The following SOS2 variants were observed in gnomAD, a reference collection of about 807,000 sequenced individuals.
The protein encoded by SOS2 is SOS Ras/Rho guanine nucleotide exchange factor 2.
In SOS2, 65 loss-of-function variants were observed where a neutral mutation model predicts 148.2. The observed-to-expected ratio is 0.44, with a 90% CI of 0.36 to 0.54. The LOEUF (loss-of-function observed/expected upper bound fraction) is 0.54, where lower values mean the gene tolerates loss of function less well. Among genes scored for constraint, SOS2 ranks in the 20% least tolerant of loss-of-function variants. The pLI is 0.00. For synonymous variants in SOS2, 539 were observed against 537.1 expected (o/e 1.00, Z -0.05); for missense variants, 1,341 against 1,590.2 (o/e 0.84, Z 2.67).
At chr14:50,231,158 C>T (rs1344582811) in intron 1 of SOS2, 39 bp downstream of exon 1, 1 of 1,261,152 alleles carries the variant, frequency 7.9e-7, no homozygotes, top group East Asian at 3.0e-5. Flanking sequence ...CTCGGGGGGC[C>T]ACGGGCCACC....
Position 50,134,796 on chromosome 14 carries a change from G to A in SOS2, c.2959-557C>T, listed in dbSNP as rs539842394. 3.9e-5 allele frequency among the ~76,000 whole-genome samples: 6 copies of A among 152,082 alleles called. No homozygotes were observed. The East Asian group carries it at 7.7e-4, about 20-fold the overall frequency. ...GTAATGTCAAGAATGATTATAGGCC[G>A]AGCACGGTGGCTCACGCCTGTAATC... On this transcript the variant is annotated intron_variant, in intron 18 of 22. Coordinates refer to ENST00000216373, the MANE Select transcript of SOS2 (RefSeq NM_006939.4).
At chr14:50,161,665 T>G in intron 8 of SOS2, 56 bp from the exon 9 acceptor site, 4 of 1,527,650 alleles carry the variant, frequency 2.6e-6, no homozygotes, top group Non-Finnish European at 3.6e-6. Flanking sequence ...TTCCCCCAAC[T>G]TTCTAGTAAT....
At chr14:50,196,609 A>G (rs1886319176) in intron 4 of SOS2, among the ~76,000 whole-genome samples, 2 of 152,134 alleles carry the variant, frequency 1.3e-5, no homozygotes, top group African/African-American at 4.8e-5. Flanking sequence ...TCTACTAGCT[A>G]AGAGTAAATT....
rs1886005265 is a variant in SOS2 at position 50,188,637 on chromosome 14, T to C, written c.574A>G (p.Ser192Gly). The change falls in exon 5 of 23, where the codon AGT becomes GGT. Residue 192 changes from serine (S) to glycine (G), a missense_variant. Ser to Gly is a moderately conservative substitution (Grantham distance 56, BLOSUM62 0). This residue lies in a region of SOS2 where 574 missense variants were observed against 711.1 expected (regional missense o/e 0.81). Coordinates refer to ENST00000216373, the MANE Select transcript of SOS2 (RefSeq NM_006939.4). ...TAGTAGTTTAATTCACCAGAAGAAC[T>C]AGGTTCATCTTCACAGAGAGAAACC... Reference protein sequence around the residue: ...GLVSLCEDEPSSSGELNYYDL... With the variant: ...GLVSLCEDEPGSSGELNYYDL... The C allele has an allele frequency of 3.1e-6, 5 of 1,608,910 alleles. No homozygotes were observed. Among genetic ancestry groups the C allele is most frequent in the Non-Finnish European group, 4.2e-6 (5 of 1,176,606 alleles).
chr14:50,167,824 C>CTT (rs1566834963), intron 8 of SOS2, among the ~76,000 whole-genome samples: 1 of 130,440 alleles, frequency 7.7e-6, no homozygotes, highest in Non-Finnish European at 1.6e-5. Context: ...GAGCCGAGAT[C>CTT]ACCACTGCAC....
chr14:50,161,323 A>G (rs1232799249), intron 9 of SOS2, among the ~76,000 whole-genome samples, 159 bp downstream of exon 9: 1 of 152,104 alleles, frequency 6.6e-6, no homozygotes, highest in Non-Finnish European at 1.5e-5. Context: ...AGGAAAAGGA[A>G]AAAAGAGAGT....
At chr14:50,154,362 A>G (rs1250417572) in intron 12 of SOS2, among the ~76,000 whole-genome samples, 1 of 152,164 alleles carries the variant, frequency 6.6e-6, no homozygotes, top group Non-Finnish European at 1.5e-5. Flanking sequence ...ATTACTAAAC[A>G]CTGGTGAGAA....
At chr14:50,226,504 C>A (rs1446342925) in intron 1 of SOS2, among the ~76,000 whole-genome samples, 1 of 152,142 alleles carries the variant, frequency 6.6e-6, no homozygotes, top group Non-Finnish European at 1.5e-5. Context: ...TAAATCAAAG[C>A]CCCTACCGAT....
At position 50,177,350 on chromosome 14, in the gene SOS2, C is replaced by A. The variant is rs185458130; in HGVS notation, c.970-2798G>T. ...AAATAAATAAATAAAGTACGCTACA[C>A]AGCTTCTAAAGATGCTTTTTGTTTT... On this transcript the variant is annotated intron_variant, in intron 7 of 22. Transcript: ENST00000216373. Among the ~76,000 whole-genome samples the A allele has an allele frequency of 2.0e-3, 311 of 152,292 alleles. 2 individuals are homozygous for A. The highest frequency in any genetic ancestry group is 7.0e-3 in the African/African-American group (291 of 41,560).
intron 14 of SOS2, among the ~76,000 whole-genome samples, chr14:50,149,676 G>C (rs1005820267): frequency 6.6e-6 from 1 of 152,168 alleles, no homozygotes; most frequent in Admixed American, 6.5e-5. Context: ...TATTCACTTA[G>C]CTGCTAAGGG....
At chr14:50,169,693 T>A (rs893115206) in intron 8 of SOS2, among the ~76,000 whole-genome samples, 5 of 152,114 alleles carry the variant, frequency 3.3e-5, no homozygotes, top group Non-Finnish European at 5.9e-5. Flanking sequence ...CAATATATAT[T>A]GTTATATACA....
intron 1 of SOS2, among the ~76,000 whole-genome samples, chr14:50,218,938 C>T (rs1338564035): frequency 6.6e-6 from 1 of 151,882 alleles, no homozygotes; most frequent in Admixed American, 6.6e-5. Flanking sequence ...TACAGTGAAA[C>T]CCTGTCTCTA....
chr14:50,139,346 G>A (rs1884190509), intron 17 of SOS2, among the ~76,000 whole-genome samples: 1 of 152,074 alleles, frequency 6.6e-6, no homozygotes. Flanking sequence ...GTTCTCAGCT[G>A]GGGACAATTT....
intron 9 of SOS2, 91 bp downstream of exon 9, chr14:50,161,391 C>T (rs1885004590): frequency 1.1e-6 from 1 of 941,270 alleles, no homozygotes; most frequent in Non-Finnish European, 1.6e-6. Flanking sequence ...AATAATGTAA[C>T]TATCACAATA....
At chr14:50,194,970 T>C (rs1413397525) in intron 4 of SOS2, among the ~76,000 whole-genome samples, 1 of 151,878 alleles carries the variant, frequency 6.6e-6, no homozygotes, top group Non-Finnish European at 1.5e-5. Context: ...TACAAAAACC[T>C]GGGTAGAGTA....
At chr14:50,204,186 G>A in intron 2 of SOS2, 98 bp downstream of exon 2, 1 of 667,306 alleles carries the variant, frequency 1.5e-6, no homozygotes. Context: ...CATAATTTCA[G>A]TGGTTTTAGT....
chr14:50,214,143 TA>T (rs1886972181), intron 1 of SOS2, among the ~76,000 whole-genome samples: 1 of 152,188 alleles, frequency 6.6e-6, no homozygotes, highest in South Asian at 2.1e-4. Flanking sequence ...ATTATCTTTT[TA>T]TTTACATAAA....
chr14:50,204,065 C>G (rs1886588143), intron 2 of SOS2, among the ~76,000 whole-genome samples: 1 of 151,852 alleles, frequency 6.6e-6, no homozygotes, highest in South Asian at 2.1e-4. Flanking sequence ...GTTTTTTCCC[C>G]TCATAAATGT....
intron 1 of SOS2, among the ~76,000 whole-genome samples, chr14:50,210,279 G>A (rs1886826065): frequency 6.6e-6 from 1 of 152,202 alleles, no homozygotes. Context: ...GCACTGTAGA[G>A]TATGAGGTGT....
Sources: gnomAD v4.1 joint callset for allele counts (sites outside exome capture counted in the v4.1 genomes callset) on GRCh38, gnomAD v4.1.1 for gene constraint, gnomAD v4.1.1 regional missense constraint, MANE v1.5 for transcripts, NCBI Gene and HGNC (gene_info 2026-07-23, HGNC 2026-07-21) for gene names.